Variants in ATP10A observed in about 807,000 individuals in gnomAD.
ATP10A encodes the protein ATPase phospholipid transporting 10A (putative).
Under a neutral mutation model 147.8 loss-of-function variants are expected in ATP10A, and 111 were observed. The observed-to-expected ratio is 0.75, with a 90% CI of 0.64 to 0.88. ATP10A has a LOEUF of 0.88. ATP10A is among the 40% of genes least tolerant of loss of function. The pLI, the probability that ATP10A is intolerant of heterozygous loss-of-function variation, is 0.00. For missense variants in ATP10A, 1,927 were observed against 1,959.0 expected, an observed-to-expected ratio of 0.98 and a Z score of 0.31; for synonymous variants, 875 against 841.6, an observed-to-expected ratio of 1.04 and a Z score of -0.69.
intron 7 of ATP10A, among the ~76,000 whole-genome samples, chr15:25,718,797 G>A (rs1196534936): frequency 6.6e-6 from 1 of 152,140 alleles, no homozygotes; most frequent in Admixed American, 6.5e-5. Flanking sequence ...TGGGATGACG[G>A]TGCTCACCTG....
chr15:25,703,172 A>G (rs546576781), intron 12 of ATP10A, among the ~76,000 whole-genome samples: 64 of 152,190 alleles, frequency 4.2e-4, no homozygotes, highest in Non-Finnish European at 7.9e-4. Context: ...AACCTGGTCA[A>G]TGTGGTGAAA....
chr15:25,796,056 C>G (rs1890657815), intron 1 of ATP10A, among the ~76,000 whole-genome samples: 1 of 152,146 alleles, frequency 6.6e-6, no homozygotes, highest in Non-Finnish European at 1.5e-5. Flanking sequence ...AACCGTGAGC[C>G]AAATAAATCT....
chr15:25,717,817 G>C (rs1901916318), intron 8 of ATP10A, among the ~76,000 whole-genome samples: 1 of 152,224 alleles, frequency 6.6e-6, no homozygotes, highest in Non-Finnish European at 1.5e-5. Flanking sequence ...GTATTTTATG[G>C]ATTTGGGCTC....
In ATP10A at chr15:25,796,725, C is replaced by G. The variant is rs527840256; in HGVS notation, c.450-15502G>C. 3.0e-3 allele frequency among the ~76,000 whole-genome samples: 455 copies of G among 152,302 alleles called. 1 individual carries two copies. The highest frequency in any genetic ancestry group is 0.014 in the Middle Eastern group (4 of 294). ...CAGGTGCTACCTGCCTGGAACCTGC[C>G]GGATATCCCTCTGGGATGGGTCAAC... On this transcript the variant is annotated intron_variant, in intron 1 of 20. Coordinates refer to ENST00000555815, the MANE Select transcript of ATP10A (RefSeq NM_024490.4).
chr15:25,730,312 AAAAAAAAAAAAAAAAAG>A (rs1189471371), intron 3 of ATP10A, among the ~76,000 whole-genome samples: 2 of 2,608 alleles, frequency 7.7e-4, no homozygotes, highest in African/African-American at 2.4e-3. Context: ...AAAAAAAAAA[AAAAAAAAAAAAAAAAAG>A]AAGAAAGAAA....
intron 2 of ATP10A, among the ~76,000 whole-genome samples, chr15:25,767,726 A>T (rs185108227): frequency 1.3e-3 from 196 of 152,328 alleles, no homozygotes; most frequent in Middle Eastern, 6.8e-3. Context: ...AGACACTAAG[A>T]GGCTAAAAAC....
In ATP10A at chr15:25,759,029, C is replaced by G. The variant is rs1888607554; in HGVS notation, c.654+21990G>C. Among the ~76,000 whole-genome samples, 4 of 152,238 alleles carry G rather than the reference C, an allele frequency of 2.6e-5. 1 individual carries two copies. The highest frequency in any genetic ancestry group is 2.6e-4 in the Admixed American group (4 of 15,276). ...GTAGTTTAGCCTGTGCGATCTAACC[C>G]TAGCCAATGGGGGACCGACACAGCA... is the stretch of plus-strand genomic sequence containing the variant. On this transcript the variant is annotated intron_variant, in intron 2 of 20. Transcript: ENST00000555815.
chr15:25,727,014 G>A lies in ATP10A; in HGVS notation c.847+146C>T, dbSNP rs575543754. 6.5e-3 allele frequency: 3,621 copies of A among 557,452 alleles called. 24 individuals are homozygous for A. The highest frequency in any genetic ancestry group is 7.7e-3 in the Non-Finnish European group (2,489 of 322,908). 34.5% of individuals were successfully genotyped at this position (557,452 alleles called of 1,614,324 possible). ...GGAGCTTGCAGTGAGCCGAGATCGCGCCACTGCACTCCAGCCTGGGCGACA... is the reference window on the plus strand; with the variant it reads ...GGAGCTTGCAGTGAGCCGAGATCGCACCACTGCACTCCAGCCTGGGCGACA... On this transcript the variant is annotated intron_variant, in intron 4 of 20. Coordinates refer to ENST00000555815, the MANE Select transcript of ATP10A (RefSeq NM_024490.4).
At chr15:25,721,971 C>T (rs947154056) in intron 6 of ATP10A, 62 bp from the exon 7 acceptor site, 4 of 1,519,270 alleles carry the variant, frequency 2.6e-6, no homozygotes, top group Non-Finnish European at 2.7e-6. Flanking sequence ...GGGAATTACT[C>T]AAATCTATTT....
At position 25,694,901 on chromosome 15, in the gene ATP10A, G is replaced by A. The variant is rs1264645635; in HGVS notation, c.3006C>T (p.Leu1002=). 6.2e-7 allele frequency: 1 copy of A among 1,614,202 alleles called. No homozygotes were observed. The highest frequency in any genetic ancestry group is 1.7e-5 in the Admixed American group (1 of 60,026). Residue 1002 remains leucine, a synonymous_variant, in exon 14 of 21, where the codon CTC becomes CTT. Coordinates refer to ENST00000555815, the MANE Select transcript of ATP10A (RefSeq NM_024490.4). Reference sequence around the variant, plus strand: ...TCTGCAGAGGCGTCGACCGACAGCAGAGGACGGAGCGGCACTGCTTGGCAA... The same window carrying A: ...TCTGCAGAGGCGTCGACCGACAGCAAAGGACGGAGCGGCACTGCTTGGCAA... The part of the protein sequence containing the change: ...LFLAKQCRSV[L]CCRSTPLQKS...
In ATP10A at chr15:25,855,061, C is replaced by CAAAAA. The variant is rs58243465; in HGVS notation, c.449+7582_449+7586dup. ...GCAACAAGAGTGAAACTCCGTCTCA[C>CAAAAA]AAAAAAAAAAAAAAAACAGAAAAAA... On this transcript the variant is annotated intron_variant, in intron 1 of 20. Transcript: ENST00000555815. Among the ~76,000 whole-genome samples, 395 of 65,984 alleles carry CAAAAA rather than the reference C, an allele frequency of 6.0e-3. 3 individuals carry two copies. The highest frequency in any genetic ancestry group is 0.016 in the African/African-American group (380 of 24,396). 43.3% of individuals were successfully genotyped at this position (65,984 alleles called of 152,430 possible). A position where few individuals can be genotyped will look rare whatever the true frequency, so the allele number is the denominator to read the frequency against.
chr15:25,680,172 GGGTCACCCAGTAA>G lies in ATP10A; in HGVS notation c.3802_3814del (p.Leu1268GlnfsTer5). ...CATCAGGCAAGTCAAGTAAAACACT[GGGTCACCCAGTAA>G]GGCTTGCATAGTCCAGTAAGGGTTG... is the stretch of plus-strand genomic sequence containing the variant. On this transcript the variant is annotated frameshift_variant, in exon 20 of 21. Transcript: ENST00000555815. LOFTEE classifies it high-confidence loss of function. 6.2e-7 allele frequency: 1 copy of G among 1,614,098 alleles called. No homozygotes were observed. The highest frequency in any genetic ancestry group is 8.5e-7 in the Non-Finnish European group (1 of 1,180,034).
chr15:25,735,544 C>T lies in ATP10A; in HGVS notation c.740+512G>A, dbSNP rs552678377. Among the ~76,000 whole-genome samples, 68 of 152,244 alleles carry T rather than the reference C, an allele frequency of 4.5e-4. 1 individual carries two copies. Among genetic ancestry groups the T allele is most frequent in the African/African-American group, 1.6e-3 (67 of 41,538 alleles). ...GGTTATGCTTATTTGTTTTAATTGT[C>T]TTTCTTTCCCCCAAACTAGAATGAA... On this transcript the variant is annotated intron_variant, in intron 3 of 20. Coordinates refer to ENST00000555815, the MANE Select transcript of ATP10A (RefSeq NM_024490.4).
intron 2 of ATP10A, among the ~76,000 whole-genome samples, chr15:25,742,948 C>A (rs527991500): frequency 1.1e-4 from 17 of 152,348 alleles, no homozygotes; most frequent in Non-Finnish European, 2.1e-4. Context: ...CCTCTTCCAT[C>A]ACTACAGGTG....
intron 2 of ATP10A, among the ~76,000 whole-genome samples, chr15:25,755,275 A>G (rs1419661501): frequency 6.6e-6 from 1 of 152,124 alleles, no homozygotes; most frequent in Non-Finnish European, 1.5e-5. Flanking sequence ...GTAACATATG[A>G]CCTCTGGATA....
intron 2 of ATP10A, among the ~76,000 whole-genome samples, chr15:25,770,937 G>C (rs1889300756): frequency 6.6e-6 from 1 of 152,180 alleles, no homozygotes; most frequent in Admixed American, 6.5e-5. Flanking sequence ...TGGAACTCGG[G>C]TCGCACAGGG....
chr15:25,823,151 G>A (rs1596955875), intron 1 of ATP10A, among the ~76,000 whole-genome samples: 1 of 152,246 alleles, frequency 6.6e-6, no homozygotes, highest in African/African-American at 2.4e-5. Flanking sequence ...AAAGCACACA[G>A]TGTTTTTAAA....
chr15:25,724,195 C>T (rs564581732), intron 5 of ATP10A, among the ~76,000 whole-genome samples, 174 bp from the exon 6 acceptor site: 31 of 152,312 alleles, frequency 2.0e-4, no homozygotes, highest in African/African-American at 7.5e-4. Flanking sequence ...CACCTTCGAT[C>T]CAACTTCAGG....
chr15:25,761,937 T>C (rs1888779568), intron 2 of ATP10A, among the ~76,000 whole-genome samples: 1 of 151,978 alleles, frequency 6.6e-6, no homozygotes, highest in Non-Finnish European at 1.5e-5. Flanking sequence ...GGACGTGAGA[T>C]TTGGGTAGGG....
Sources: gnomAD v4.1 joint callset for allele counts (sites outside exome capture counted in the v4.1 genomes callset) on GRCh38, gnomAD v4.1.1 for gene constraint, MANE v1.5 for transcripts, NCBI Gene and HGNC (gene_info 2026-07-23, HGNC 2026-07-21) for gene names.